PRELID2: variants seen among roughly 807,000 people sequenced by gnomAD.
PRELID2 encodes PRELI domain-containing protein 2.
In PRELID2, 25 loss-of-function variants were observed where a neutral mutation model predicts 28.4. That is an observed-to-expected ratio of 0.88 (90% CI 0.64 to 1.23). PRELID2 has a LOEUF of 1.23. Among genes scored for constraint, PRELID2 ranks in the 50% most tolerant of loss-of-function variants. PRELID2 has a pLI of 0.00. For synonymous variants in PRELID2, 76 were observed against 71.6 expected, an observed-to-expected ratio of 1.06 and a Z score of -0.31; for missense variants, 201 against 214.4, an observed-to-expected ratio of 0.94 and a Z score of 0.39.
chr5:145,341,623 A>T, the PRELID2 span, among the ~76,000 whole-genome samples: 1 of 152,124 alleles, frequency 6.6e-6, no homozygotes, highest in Non-Finnish European at 1.5e-5. Flanking sequence ...GAAGTAAAAA[A>T]TAAATTTAAA....
the PRELID2 span, among the ~76,000 whole-genome samples, chr5:145,239,532 C>A: frequency 6.6e-6 from 1 of 151,884 alleles, no homozygotes; most frequent in African/African-American, 2.4e-5. Flanking sequence ...ATGGTAAATG[C>A]TATAATGCAA....
rs1421604446 is a variant in PRELID2, at chr5:145,615,387, G to A, written n.71-142072C>T. 1.0e-4 allele frequency among the ~76,000 whole-genome samples: 12 copies of A among 118,380 alleles called. 3 individuals are homozygous for A. The highest frequency in any genetic ancestry group is 2.0e-4 in the African/African-American group (5 of 25,508). The allele number at this position is 118,380 out of a possible 152,430, so 77.7% of individuals were successfully genotyped here. A position where few individuals can be genotyped will look rare whatever the true frequency, so the allele number is the denominator to read the frequency against. On this transcript the variant is annotated intron_variant and non_coding_transcript_variant, in intron 1 of 2. Transcript: ENST00000510259. The stretch of plus-strand genomic sequence containing the variant: ...GTCGCCCAGGCTGGAGTGCAGTGGC[G>A]CAATCTCGGCTCACTGCAGGCTCCG...
At chr5:145,385,931 C>A in the PRELID2 span, among the ~76,000 whole-genome samples, 1 of 152,002 alleles carries the variant, frequency 6.6e-6, no homozygotes, top group Non-Finnish European at 1.5e-5. Context: ...ACCCAGATCT[C>A]GTCTTGATTT....
At chr5:145,337,534 G>C in the PRELID2 span, among the ~76,000 whole-genome samples, 1 of 151,558 alleles carries the variant, frequency 6.6e-6, no homozygotes, top group Non-Finnish European at 1.5e-5. Context: ...TGACCTACCA[G>C]CTATAAACTG....
chr5:145,616,387 T>C (rs1046628845), intron 1 of PRELID2, among the ~76,000 whole-genome samples: 2 of 152,184 alleles, frequency 1.3e-5, no homozygotes, highest in South Asian at 4.1e-4. Flanking sequence ...TATTCTTAGG[T>C]TGGTATCAGG....
chr5:145,521,575 T>G (rs1458090530), intron 1 of PRELID2, among the ~76,000 whole-genome samples: 1 of 148,506 alleles, frequency 6.7e-6, no homozygotes, highest in Non-Finnish European at 1.5e-5. Context: ...ATATATATAT[T>G]ATACATATAT....
intron 1 of PRELID2, among the ~76,000 whole-genome samples, chr5:145,561,967 T>A (rs1185187244): frequency 1.3e-5 from 2 of 149,362 alleles, no homozygotes; most frequent in African/African-American, 5.1e-5. Context: ...GGTTTTCTTT[T>A]TAGGATGATG....
At chr5:145,768,223 CAAAAA>C (rs35135521) in intron 5 of PRELID2, among the ~76,000 whole-genome samples, 1 of 80,744 alleles carries the variant, frequency 1.2e-5, no homozygotes, top group Non-Finnish European at 2.5e-5. Context: ...GACTCTGTCT[CAAAAA>C]AAAAAAAAAA....
the PRELID2 span, among the ~76,000 whole-genome samples, chr5:145,401,337 A>C: frequency 5.3e-5 from 8 of 152,038 alleles, no homozygotes; most frequent in Non-Finnish European, 1.0e-4. Context: ...AAAACTAATC[A>C]AGTTAAGAAG....
chr5:145,654,700 C>T (rs534847547), intron 1 of PRELID2, among the ~76,000 whole-genome samples: 2 of 152,032 alleles, frequency 1.3e-5, no homozygotes, highest in African/African-American at 4.8e-5. Flanking sequence ...ATTCAACAAC[C>T]CTTCATGCTA....
At chr5:145,697,012 G>C (rs376211699) in intron 1 of PRELID2, among the ~76,000 whole-genome samples, 16 of 121,364 alleles carry the variant, frequency 1.3e-4, no homozygotes, top group African/African-American at 4.7e-4. Context: ...CAACAAAGTG[G>C]ATGTAGGAAA....
intron 1 of PRELID2, among the ~76,000 whole-genome samples, chr5:145,598,515 C>G (rs1026699396): frequency 2.0e-5 from 3 of 152,046 alleles, no homozygotes; most frequent in Non-Finnish European, 4.4e-5. Flanking sequence ...CTAAATTGCA[C>G]CCTAAACATA....
At chr5:145,505,448 C>A (rs1266574368) in intron 1 of PRELID2, among the ~76,000 whole-genome samples, 1 of 152,154 alleles carries the variant, frequency 6.6e-6, no homozygotes, top group Non-Finnish European at 1.5e-5. Flanking sequence ...TACATGGTAG[C>A]CCTGAACATC....
At chr5:145,347,957 A>G in the PRELID2 span, among the ~76,000 whole-genome samples, 1 of 152,084 alleles carries the variant, frequency 6.6e-6, no homozygotes, top group Admixed American at 6.6e-5. Context: ...AATGGTTCCC[A>G]TGTTTTAGGT....
intron 1 of PRELID2, among the ~76,000 whole-genome samples, chr5:145,619,023 C>G (rs1753737790): frequency 6.6e-6 from 1 of 152,164 alleles, no homozygotes; most frequent in African/African-American, 2.4e-5. Flanking sequence ...GCCAGTCTCA[C>G]TCCCACCATA....
the PRELID2 span, among the ~76,000 whole-genome samples, chr5:145,440,190 T>C: frequency 6.6e-6 from 1 of 152,102 alleles, no homozygotes; most frequent in Non-Finnish European, 1.5e-5. Flanking sequence ...AAGTGACTTT[T>C]TTCTCTGTCA....
At chr5:145,624,345 G>A (rs1485892873) in intron 1 of PRELID2, among the ~76,000 whole-genome samples, 1 of 152,200 alleles carries the variant, frequency 6.6e-6, no homozygotes, top group Non-Finnish European at 1.5e-5. Context: ...AGGTGAGGGA[G>A]AGGGATGGGA....
At chr5:145,315,545 GGTGTGTGTGTGTGTGT>G in the PRELID2 span, among the ~76,000 whole-genome samples, 46,106 of 142,926 alleles carry the variant, frequency 0.32, 7,332 homozygotes, top group Non-Finnish European at 0.34. Context: ...GCTCTTTCAG[GGTGTGTGTGTGTGTGT>G]GTGTGTGTGT....
chr5:145,459,702 G>C, the PRELID2 span, among the ~76,000 whole-genome samples: 1 of 151,582 alleles, frequency 6.6e-6, no homozygotes, highest in Non-Finnish European at 1.5e-5. Flanking sequence ...AAAAGAAAAG[G>C]CATAATCATG....
Sources: gnomAD v4.1 joint callset for allele counts (sites outside exome capture counted in the v4.1 genomes callset) on GRCh38, gnomAD v4.1.1 for gene constraint, MANE v1.5 for transcripts, NCBI Gene and HGNC (gene_info 2026-07-23, HGNC 2026-07-21) for gene names.